Variants in ALLC observed in about 807,000 individuals in gnomAD.
ALLC encodes the protein allantoicase.
A neutral mutation model predicts 45.0 loss-of-function variants in ALLC; 40 were observed. That is an observed-to-expected ratio of 0.89 (90% CI 0.69 to 1.16). The LOEUF (loss-of-function observed/expected upper bound fraction) is 1.16, where lower values mean the gene tolerates loss of function less well. Ranked by LOEUF, ALLC falls within the 50% of genes most tolerant of loss-of-function variation. The probability of loss-of-function intolerance (pLI) is 0.00; values close to 1 mark genes in which losing one functional copy is unlikely to be tolerated. For missense variants in ALLC, 488 were observed against 493.1 expected, an observed-to-expected ratio of 0.99 and a Z score of 0.10; for synonymous variants, 176 against 178.1, an observed-to-expected ratio of 0.99 and a Z score of 0.09.
chr2:3,659,240 G>T (rs1666511364), intron 1 of ALLC, among the ~76,000 whole-genome samples: 1 of 152,068 alleles, frequency 6.6e-6, no homozygotes. Context: ...TCTTTCTTGT[G>T]CTTCCTAGAC....
chr2:3,666,234 C>T (rs1234589477), intron 1 of ALLC, among the ~76,000 whole-genome samples: 1 of 152,232 alleles, frequency 6.6e-6, no homozygotes, highest in Non-Finnish European at 1.5e-5. Context: ...GGCAAAATGC[C>T]TGAGCGCTCT....
chr2:3,693,872 C>T (rs561479352), intron 7 of ALLC, among the ~76,000 whole-genome samples: 16 of 152,106 alleles, frequency 1.1e-4, no homozygotes, highest in African/African-American at 3.4e-4. Flanking sequence ...CCTGTAATCC[C>T]GGCTAGTTGG....
At chr2:3,650,058 G>T in the ALLC span, among the ~76,000 whole-genome samples, 1 of 152,254 alleles carries the variant, frequency 6.6e-6, no homozygotes, top group Non-Finnish European at 1.5e-5. Context: ...GCACGGAGCC[G>T]TCATCTGTGG....
chr2:3,666,725 C>T (rs577615024), intron 1 of ALLC, among the ~76,000 whole-genome samples: 26 of 152,312 alleles, frequency 1.7e-4, no homozygotes, highest in Non-Finnish European at 2.9e-4. Flanking sequence ...TCCAGCCAGT[C>T]GGTAGGTTGT....
chr2:3,697,662 T>C (rs566856657), intron 10 of ALLC, among the ~76,000 whole-genome samples: 2 of 151,892 alleles, frequency 1.3e-5, no homozygotes, highest in African/African-American at 4.8e-5. Flanking sequence ...TATCTATCTA[T>C]CTATCTTTTA....
chr2:3,697,398 C>A lies in ALLC; in HGVS notation c.792C>A (p.Phe264Leu). The part of the protein sequence containing the change: ...LLVPGCEWAV[F>L]RLAHPGVITR... ...TTCCGGGTTGTGAATGGGCAGTTTT[C>A]CGATTGGCACATCCTGGAGTAATAA... The change falls in exon 10 of 12, where the codon TTC (phenylalanine) becomes TTA (leucine). Residue 264 changes from phenylalanine to leucine, a missense_variant. Physicochemically the swap from Phe to Leu is conservative, Grantham distance 22. Transcript: ENST00000252505. 1 of 1,613,888 alleles carries A rather than the reference C, an allele frequency of 6.2e-7. No individual in the cohort carries two copies. Among genetic ancestry groups the A allele is most frequent in the Non-Finnish European group, 8.5e-7 (1 of 1,179,852 alleles).
chr2:3,702,437 C>T lies in ALLC; in HGVS notation c.1050C>T (p.Leu350=). 1 of 1,613,034 alleles carries T rather than the reference C, an allele frequency of 6.2e-7. No homozygotes were observed. The highest frequency in any genetic ancestry group is 8.5e-7 in the Non-Finnish European group (1 of 1,179,788). The stretch of plus-strand genomic sequence containing the variant: ...AAGATGTCATCACTCACGCCAGGCT[C>T]ACCATCGTCCCCGACGGGGGAGTGA... ...ELQDVITHAR[L]TIVPDGGVSR... The change falls in exon 12 of 12, where the codon CTC becomes CTT. Residue 350 remains leucine (L), a synonymous_variant. Transcript: ENST00000252505.
intron 3 of ALLC, 95 bp downstream of exon 3, chr2:3,674,220 T>A (rs1666964671): frequency 4.3e-6 from 4 of 924,194 alleles, no homozygotes; most frequent in Non-Finnish European, 6.8e-6. Context: ...TGGGATGGAG[T>A]CATGTGATGT....
the ALLC span, among the ~76,000 whole-genome samples, chr2:3,647,242 A>T: frequency 0.78 from 118,900 of 151,942 alleles, 46,760 homozygotes; most frequent in East Asian, 0.95. Flanking sequence ...ATCCTCCTTT[A>T]CTTCAGTCAA....
At position 3,702,438 on chromosome 2, in the gene ALLC, A is replaced by C. The variant is rs1572539479; in HGVS notation, c.1051A>C (p.Thr351Pro). The change falls in exon 12 of 12, where the codon ACC (threonine) becomes CCC (proline). Residue 351 changes from threonine (T) to proline (P), a missense_variant. By Grantham distance (38) the Thr-to-Pro change is conservative (BLOSUM62 -1). Coordinates refer to ENST00000252505, the MANE Select transcript of ALLC (RefSeq NM_018436.4). ...LQDVITHARL[T>P]IVPDGGVSRL... The stretch of plus-strand genomic sequence containing the variant: ...AGATGTCATCACTCACGCCAGGCTC[A>C]CCATCGTCCCCGACGGGGGAGTGAG... 1.9e-6 allele frequency: 3 copies of C among 1,612,886 alleles called. No homozygotes were observed. Among genetic ancestry groups the C allele is most frequent in the Non-Finnish European group, 2.5e-6 (3 of 1,179,770 alleles).
At chr2:3,694,012 A>C (rs1037205224) in intron 7 of ALLC, among the ~76,000 whole-genome samples, 8 of 152,184 alleles carry the variant, frequency 5.3e-5, no homozygotes, top group African/African-American at 7.2e-5. Flanking sequence ...AAGAAAAAAA[A>C]CAAAAAACTG....
rs761310489 is a variant in ALLC at position 3,682,988 on chromosome 2, A to C, written c.425A>C (p.Lys142Thr). 5.6e-6 allele frequency: 9 copies of C among 1,613,864 alleles called. No individual in the cohort carries two copies. The Middle Eastern group carries it at 4.9e-4, about 88-fold the overall frequency. ...TACTTGGTTCCCATGACTGAGCTTA[A>C]GCCAGGAAACCCTGCTTCCGGCCAC... ...WSYLVPMTEL[K>T]PGNPASGHNY... The change falls in exon 7 of 12, where the codon AAG becomes ACG. Residue 142 changes from lysine (K) to threonine (T), a missense_variant. Transcript: ENST00000252505.
At chr2:3,649,064 C>T in the ALLC span, among the ~76,000 whole-genome samples, 4 of 152,094 alleles carry the variant, frequency 2.6e-5, no homozygotes, top group African/African-American at 4.8e-5. Context: ...ACGCCGTAGA[C>T]GGGTTCATAG....
chr2:3,664,765 A>T (rs1666651926), intron 1 of ALLC, among the ~76,000 whole-genome samples: 1 of 151,868 alleles, frequency 6.6e-6, no homozygotes. Flanking sequence ...CGCACCTGTA[A>T]TCCCAGCTAC....
At chr2:3,676,386 G>A (rs927657750) in intron 3 of ALLC, among the ~76,000 whole-genome samples, 1 of 152,108 alleles carries the variant, frequency 6.6e-6, no homozygotes, top group Non-Finnish European at 1.5e-5. Context: ...GGGCACAAGC[G>A]ATCCTCCTGC....
chr2:3,662,538 C>T (rs74826071), intron 1 of ALLC, among the ~76,000 whole-genome samples: 8,088 of 152,296 alleles, frequency 0.053, 260 homozygotes, highest in South Asian at 0.12. Context: ...AATTTCAAGG[C>T]GCCACCTGCA....
intron 1 of ALLC, among the ~76,000 whole-genome samples, chr2:3,664,380 C>A (rs1238939529): frequency 6.6e-5 from 10 of 152,148 alleles, no homozygotes; most frequent in African/African-American, 2.4e-4. Context: ...AGGGTCTTAA[C>A]TACAAATGGA....
At chr2:3,687,366 C>T (rs76040922) in intron 7 of ALLC, among the ~76,000 whole-genome samples, 16,743 of 150,698 alleles carry the variant, frequency 0.11, 1,511 homozygotes, top group African/African-American at 0.16. Flanking sequence ...ATTTTTGCAT[C>T]TATGTCCATC....
chr2:3,690,172 T>C (rs1667437724), intron 7 of ALLC, among the ~76,000 whole-genome samples: 2 of 146,406 alleles, frequency 1.4e-5, no homozygotes, highest in South Asian at 2.2e-4. Context: ...ATTTGGAACA[T>C]TGAGTCCATT....
Sources: gnomAD v4.1 joint callset for allele counts (sites outside exome capture counted in the v4.1 genomes callset) on GRCh38, gnomAD v4.1.1 for gene constraint, MANE v1.5 for transcripts, NCBI Gene and HGNC (gene_info 2026-07-23, HGNC 2026-07-21) for gene names.